The following OTOP1 variants were observed in gnomAD, a reference collection of about 807,000 sequenced individuals.
OTOP1 encodes otopetrin 1, also known as proton channel OTOP1.
A neutral mutation model predicts 52.9 loss-of-function variants in OTOP1; 59 were observed. The ratio of observed to expected loss-of-function variants is 1.12; its 90% CI spans 0.91 to 1.39. The LOEUF (loss-of-function observed/expected upper bound fraction) is 1.39, where lower values mean the gene tolerates loss of function less well. OTOP1 is among the 40% of genes most tolerant of loss of function. OTOP1 has a pLI of 0.00. For missense variants in OTOP1, 761 were observed against 800.9 expected, an observed-to-expected ratio of 0.95 and a Z score of 0.60; for synonymous variants, 317 against 337.7, an observed-to-expected ratio of 0.94 and a Z score of 0.67.
At position 4,196,719 on chromosome 4, in the gene OTOP1, C is replaced by T. The variant is rs2980127; in HGVS notation, c.1668+447G>A. On this transcript the variant is annotated intron_variant, in intron 5 of 5. Coordinates refer to ENST00000296358, the MANE Select transcript of OTOP1 (RefSeq NM_177998.3). ...CTCCAGCCTGGGCAACAGGGCGCGA[C>T]CCTGTCTCAAAAAATAAATAAATAG... Among the ~76,000 whole-genome samples, 401 of 152,192 alleles carry T rather than the reference C, an allele frequency of 2.6e-3. 1 individual carries two copies. The highest frequency in any genetic ancestry group is 9.1e-3 in the African/African-American group (378 of 41,514).
rs1384380737 is a variant in OTOP1, at chr4:4,206,142, T to A, written c.541-12A>T. 11 of 1,590,156 alleles carry A rather than the reference T, an allele frequency of 6.9e-6. No individual in the cohort carries two copies. The highest frequency in any genetic ancestry group is 8.6e-6 in the Non-Finnish European group (10 of 1,160,652). On this transcript the variant is annotated splice_polypyrimidine_tract_variant and intron_variant, in intron 2 of 5. Transcript: ENST00000296358. ...CAAAGAAAATATACCTAGATGGAAA[T>A]AAAGAAAGAAAAGAAAAATCGGTGA...
chr4:4,204,641 G>C (rs974717192), intron 3 of OTOP1, among the ~76,000 whole-genome samples: 1 of 151,972 alleles, frequency 6.6e-6, no homozygotes, highest in Non-Finnish European at 1.5e-5. Context: ...CACTGGATTT[G>C]ACAATCCCAG....
chr4:4,216,382 T>G (rs184763022), intron 1 of OTOP1, among the ~76,000 whole-genome samples: 1 of 152,312 alleles, frequency 6.6e-6, no homozygotes, highest in East Asian at 1.9e-4. Context: ...CTCCTCTCTC[T>G]CCTGGGCTAG....
chr4:4,210,111 C>T (rs1481677064), intron 2 of OTOP1, among the ~76,000 whole-genome samples: 1 of 152,180 alleles, frequency 6.6e-6, no homozygotes, highest in Non-Finnish European at 1.5e-5. Context: ...AACTGACACC[C>T]CTATGGTGTG....
At chr4:4,223,572 GAGGAGC>G (rs1195307441) in intron 1 of OTOP1, among the ~76,000 whole-genome samples, 3 of 152,088 alleles carry the variant, frequency 2.0e-5, no homozygotes, top group Non-Finnish European at 2.9e-5. Flanking sequence ...AAAGAAGAAG[GAGGAGC>G]AGAAGGAGAA....
At position 4,213,014 on chromosome 4, in the gene OTOP1, G is replaced by T. The variant is rs1182014042; in HGVS notation, c.404-10C>A. The stretch of plus-strand genomic sequence containing the variant: ...AACAATGTGATACTACCTAAATGTG[G>T]GATGAAGGGGGAAGTGGAAACACAC... On this transcript the variant is annotated splice_polypyrimidine_tract_variant and intron_variant, in intron 1 of 5. Coordinates refer to ENST00000296358, the MANE Select transcript of OTOP1 (RefSeq NM_177998.3). The T allele has an allele frequency of 2.5e-6, 4 of 1,612,270 alleles. No individual in the cohort carries two copies. The highest frequency in any genetic ancestry group is 3.4e-6 in the Non-Finnish European group (4 of 1,178,442).
rs538037943 is a variant in OTOP1 at position 4,219,045 on chromosome 4, CAT to C, written c.404-6043_404-6042del. On this transcript the variant is annotated intron_variant, in intron 1 of 5. Coordinates refer to ENST00000296358, the MANE Select transcript of OTOP1 (RefSeq NM_177998.3). ...TTTTCAAATGCTCAAAAAAGGCAAACATGTGGAAAAGGAAAAGGAGGAAATAG... is the reference window on the plus strand; with the variant it reads ...TTTTCAAATGCTCAAAAAAGGCAAACGTGGAAAAGGAAAAGGAGGAAATAG... Among the ~76,000 whole-genome samples the C allele has an allele frequency of 3.1e-3, 472 of 151,628 alleles. 3 individuals are homozygous for C. Among genetic ancestry groups the C allele is most frequent in the African/African-American group, 0.011 (451 of 41,322 alleles).
chr4:4,206,748 C>G (rs1317452028), intron 2 of OTOP1, among the ~76,000 whole-genome samples: 1 of 152,292 alleles, frequency 6.6e-6, no homozygotes, highest in East Asian at 1.9e-4. Context: ...AGTCAGGGAA[C>G]CTTGCTGAAT....
intron 5 of OTOP1, among the ~76,000 whole-genome samples, chr4:4,192,824 T>C (rs2108795043): frequency 6.6e-6 from 1 of 152,238 alleles, no homozygotes; most frequent in East Asian, 1.9e-4. Context: ...TTCACTTATA[T>C]GAGGAGTCTA....
Position 4,219,158 on chromosome 4 carries a change from T to G in OTOP1, c.404-6154A>C, listed in dbSNP as rs114261669. ...TATAAATTATTACTATAAATTAGAA[T>G]GATGTAAATCCTCCCACTAAGTAGT... On this transcript the variant is annotated intron_variant, in intron 1 of 5. Coordinates refer to ENST00000296358, the MANE Select transcript of OTOP1 (RefSeq NM_177998.3). Among the ~76,000 whole-genome samples, 1,305 of 152,264 alleles carry G rather than the reference T, an allele frequency of 8.6e-3. 19 individuals are homozygous for G. The highest frequency in any genetic ancestry group is 0.029 in the African/African-American group (1,210 of 41,550).
At chr4:4,191,894 T>C (rs1350344631) in intron 5 of OTOP1, among the ~76,000 whole-genome samples, 4 of 151,956 alleles carry the variant, frequency 2.6e-5, no homozygotes, top group Non-Finnish European at 5.9e-5. Context: ...GAACACCTTC[T>C]AAAAGAAGGG....
chr4:4,190,545 T>C (rs1716479409), intron 5 of OTOP1, among the ~76,000 whole-genome samples: 1 of 152,264 alleles, frequency 6.6e-6, no homozygotes, highest in Admixed American at 6.5e-5. Flanking sequence ...ACAAACTTTC[T>C]TCTTGTCATT....
intron 5 of OTOP1, among the ~76,000 whole-genome samples, chr4:4,191,899 G>A (rs367936738): frequency 3.9e-5 from 6 of 152,170 alleles, no homozygotes; most frequent in African/African-American, 1.2e-4. Context: ...CCTTCTAAAA[G>A]AAGGGAGAGA....
chr4:4,202,700 G>A, intron 3 of OTOP1, 122 bp from the exon 4 acceptor site: 1 of 1,285,710 alleles, frequency 7.8e-7, no homozygotes, highest in Non-Finnish European at 1.1e-6. Flanking sequence ...GGTTTCACCT[G>A]GCAGTTCAGG....
chr4:4,190,921 T>A (rs2108794226), intron 5 of OTOP1, among the ~76,000 whole-genome samples: 1 of 152,252 alleles, frequency 6.6e-6, no homozygotes, highest in Non-Finnish European at 1.5e-5. Flanking sequence ...ACATGAGCCC[T>A]GGGGCTCTCT....
rs767575496 is a variant in OTOP1 at position 4,197,838 on chromosome 4, G to A, written c.996C>T (p.Tyr332=). Residue 332 remains tyrosine, a synonymous_variant, in exon 5 of 6, where the codon TAC becomes TAT. Transcript: ENST00000296358. ...TCTTGGAGCGCCCAATATGAATCAG[G>A]TATACCACCACCACAGCAATGGTGG... ...LAATIAVVVV[Y]LIHIGRSKTK... is the part of the protein sequence containing the mutation. 22 of 1,613,936 alleles carry A rather than the reference G, an allele frequency of 1.4e-5. No homozygotes were observed. The Middle Eastern group carries it at 2.3e-3, about 169-fold the overall frequency.
At chr4:4,199,610 G>C (rs1259519064) in intron 4 of OTOP1, among the ~76,000 whole-genome samples, 1 of 152,024 alleles carries the variant, frequency 6.6e-6, no homozygotes, top group Non-Finnish European at 1.5e-5. Flanking sequence ...ACAGGGTTCC[G>C]CCACGTTGGC....
chr4:4,197,124 A>G (rs186677609), intron 5 of OTOP1, 42 bp downstream of exon 5: 2 of 1,536,998 alleles, frequency 1.3e-6, no homozygotes, highest in East Asian at 4.5e-5. Context: ...ATGAAAGTTT[A>G]AAGTAAAATT....
chr4:4,200,221 C>T (rs1196159334), intron 4 of OTOP1, among the ~76,000 whole-genome samples: 2 of 152,060 alleles, frequency 1.3e-5, no homozygotes, highest in Admixed American at 6.5e-5. Flanking sequence ...AGCAGCTGGG[C>T]GTGGTGGCTC....
Sources: gnomAD v4.1 joint callset for allele counts (sites outside exome capture counted in the v4.1 genomes callset) on GRCh38, gnomAD v4.1.1 for gene constraint, MANE v1.5 for transcripts, NCBI Gene and HGNC (gene_info 2026-07-23, HGNC 2026-07-21) for gene names.